SUGCT: variants seen among roughly 807,000 people sequenced by gnomAD.
SUGCT encodes succinyl-CoA:glutarate-CoA transferase.
A neutral mutation model predicts 55.0 loss-of-function variants in SUGCT; 41 were observed. That is an observed-to-expected ratio of 0.74 (90% CI 0.58 to 0.97). SUGCT has a LOEUF of 0.97. SUGCT is among the 50% of genes least tolerant of loss of function. The pLI is 0.00. For synonymous variants in SUGCT, 187 were observed against 200.4 expected (o/e 0.93, Z 0.56); for missense variants, 568 against 547.8 (o/e 1.04, Z -0.37).
chr7:40,323,142 C>T (rs1584679942), intron 9 of SUGCT, among the ~76,000 whole-genome samples: 2 of 151,936 alleles, frequency 1.3e-5, no homozygotes, highest in African/African-American at 4.8e-5. Context: ...AGTCATTTCT[C>T]CTGTCATCAG....
At chr7:40,776,115 G>C (rs1461626848) in intron 13 of SUGCT, among the ~76,000 whole-genome samples, 1 of 152,198 alleles carries the variant, frequency 6.6e-6, no homozygotes, top group African/African-American at 2.4e-5. Flanking sequence ...CTGCCGCTGT[G>C]AAAGTCAGCC....
At chr7:40,378,829 A>G (rs1416321307) in intron 9 of SUGCT, among the ~76,000 whole-genome samples, 2 of 152,104 alleles carry the variant, frequency 1.3e-5, no homozygotes, top group Non-Finnish European at 2.9e-5. Flanking sequence ...CTCCGAACAT[A>G]TTTTACACAG....
chr7:40,339,545 C>A (rs1041643736), intron 9 of SUGCT, among the ~76,000 whole-genome samples: 8 of 152,154 alleles, frequency 5.3e-5, no homozygotes, highest in Admixed American at 1.3e-4. Flanking sequence ...CCCTCTGAGC[C>A]AGGTGTGGGA....
intron 11 of SUGCT, among the ~76,000 whole-genome samples, chr7:40,468,997 A>T (rs938407999): frequency 6.6e-6 from 1 of 152,080 alleles, no homozygotes; most frequent in African/African-American, 2.4e-5. Flanking sequence ...GAGGTTATGG[A>T]AGTGTCTTTT....
At position 40,639,269 on chromosome 7, in the gene SUGCT, G is replaced by C. The variant is rs147735913; in HGVS notation, c.1090-110165G>C. Among the ~76,000 whole-genome samples, 427 of 152,172 alleles carry C rather than the reference G, an allele frequency of 2.8e-3. 2 individuals are homozygous for C. Among genetic ancestry groups the C allele is most frequent in the African/African-American group, 9.8e-3 (405 of 41,500 alleles). On this transcript the variant is annotated intron_variant, in intron 12 of 13. Coordinates refer to ENST00000335693, the MANE Select transcript of SUGCT (RefSeq NM_001193313.2). The stretch of plus-strand genomic sequence containing the variant: ...CAGGACCACATCTGCCTAATTTACC[G>C]CTACATTCCCAGTATAGCGCCCAGC...
In SUGCT at chr7:40,164,646, T is replaced by C. The variant is rs561678995; in HGVS notation, c.101-16301T>C. On this transcript the variant is annotated intron_variant, in intron 1 of 13. Coordinates refer to ENST00000335693, the MANE Select transcript of SUGCT (RefSeq NM_001193313.2). ...TTCATGTCCCCTCTGCCTCCAGAGA[T>C]TTCAGAAAAAGAAATCTAATTAAAA... Among the ~76,000 whole-genome samples, 6 of 152,298 alleles carry C rather than the reference T, an allele frequency of 3.9e-5. No homozygotes were observed. The East Asian group carries it at 1.2e-3, about 29-fold the overall frequency.
chr7:40,890,247 T>TATTATATATTTATATTATATAATATAA, the SUGCT span, among the ~76,000 whole-genome samples: 5 of 140,966 alleles, frequency 3.5e-5, no homozygotes, highest in Admixed American at 1.6e-4. Flanking sequence ...TAAATATTTA[T>TATTATATATTTATATTATATAATATAA]ATTATATATT....
At chr7:40,889,538 C>G in the SUGCT span, among the ~76,000 whole-genome samples, 1 of 152,254 alleles carries the variant, frequency 6.6e-6, no homozygotes, top group South Asian at 2.1e-4. Context: ...GAATCAGAAA[C>G]AGAACACATG....
At chr7:40,542,310 C>T (rs1023065769) in intron 12 of SUGCT, among the ~76,000 whole-genome samples, 2 of 152,142 alleles carry the variant, frequency 1.3e-5, no homozygotes, top group Non-Finnish European at 2.9e-5. Flanking sequence ...AGGTAAATAA[C>T]TTTTCAGCCA....
intron 9 of SUGCT, among the ~76,000 whole-genome samples, chr7:40,382,885 A>G (rs1230261704): frequency 1.3e-5 from 2 of 152,212 alleles, no homozygotes; most frequent in East Asian, 1.9e-4. Flanking sequence ...AATATTACAT[A>G]GAGAACTAAT....
chr7:40,424,208 C>T (rs1787465201), intron 9 of SUGCT, among the ~76,000 whole-genome samples: 1 of 152,068 alleles, frequency 6.6e-6, no homozygotes, highest in Non-Finnish European at 1.5e-5. Context: ...TCACTGTTTT[C>T]AGCACAGGGG....
intron 9 of SUGCT, among the ~76,000 whole-genome samples, chr7:40,401,510 G>C (rs1260838347): frequency 6.6e-6 from 1 of 152,130 alleles, no homozygotes; most frequent in Non-Finnish European, 1.5e-5. Context: ...ACACTGTTAG[G>C]GCCCAAGCAG....
At chr7:40,772,374 A>C (rs1354789015) in intron 13 of SUGCT, among the ~76,000 whole-genome samples, 1 of 152,126 alleles carries the variant, frequency 6.6e-6, no homozygotes, top group African/African-American at 2.4e-5. Context: ...AAAAATAAAA[A>C]GACAGAGTTC....
chr7:40,209,727 C>T (rs886340160), intron 6 of SUGCT, among the ~76,000 whole-genome samples: 2 of 151,550 alleles, frequency 1.3e-5, no homozygotes, highest in African/African-American at 2.4e-5. Context: ...ACCCAGGAGG[C>T]GGAGGTTACA....
At chr7:40,239,813 A>G (rs956954347) in intron 7 of SUGCT, among the ~76,000 whole-genome samples, 1 of 152,198 alleles carries the variant, frequency 6.6e-6, no homozygotes, top group Non-Finnish European at 1.5e-5. Context: ...TATACTTTCC[A>G]TGTATTACAT....
At chr7:40,729,716 A>G (rs1452227613) in intron 12 of SUGCT, among the ~76,000 whole-genome samples, 3 of 152,144 alleles carry the variant, frequency 2.0e-5, no homozygotes, top group African/African-American at 7.2e-5. Context: ...ATACCATCAG[A>G]TGCTAGGCAA....
chr7:40,421,550 A>G (rs1199729885), intron 9 of SUGCT, among the ~76,000 whole-genome samples: 2 of 152,144 alleles, frequency 1.3e-5, no homozygotes, highest in Non-Finnish European at 2.9e-5. Context: ...CCCTTCAACA[A>G]ATGTTTATTA....
chr7:40,513,704 G>A (rs545815340), intron 12 of SUGCT, among the ~76,000 whole-genome samples: 1 of 151,828 alleles, frequency 6.6e-6, no homozygotes, highest in Admixed American at 6.6e-5. Flanking sequence ...ATATTTATGA[G>A]CTATAATTAG....
chr7:40,523,409 A>G (rs1010334704), intron 12 of SUGCT, among the ~76,000 whole-genome samples: 11 of 152,108 alleles, frequency 7.2e-5, no homozygotes, highest in African/African-American at 2.2e-4. Flanking sequence ...TGTTTTCTCC[A>G]TGGAAAAGAC....
Sources: allele counts gnomAD v4.1 joint callset (sites outside exome capture counted in the v4.1 genomes callset), GRCh38; gene constraint gnomAD v4.1.1; transcripts MANE v1.5; gene names NCBI Gene and HGNC (gene_info 2026-07-23, HGNC 2026-07-21).